The following ETS1 variants were observed in gnomAD, a reference collection of about 807,000 sequenced individuals.
ETS1 encodes the protein protein C-ets-1.
A neutral mutation model predicts 58.6 loss-of-function variants in ETS1; 15 were observed. That is an observed-to-expected ratio of 0.26 (90% confidence interval 0.17 to 0.39). ETS1 has a LOEUF of 0.39. Among genes scored for constraint, ETS1 ranks in the 10% least tolerant of loss-of-function variants. The probability of loss-of-function intolerance (pLI) is 1.00; values close to 1 mark genes in which losing one functional copy is unlikely to be tolerated. For missense variants in ETS1, 417 were observed against 610.5 expected (o/e 0.68, Z 3.34); for synonymous variants, 214 against 218.2 (o/e 0.98, Z 0.17).
intron 3 of ETS1, among the ~76,000 whole-genome samples, chr11:128,525,619 G>GAAAA (rs10554000): frequency 6.6e-5 from 5 of 75,812 alleles, no homozygotes; most frequent in Admixed American, 1.4e-4. Flanking sequence ...GTAAGATTTA[G>GAAAA]AAAAAAAAAA....
chr11:128,536,203 G>A (rs564716568), intron 3 of ETS1, among the ~76,000 whole-genome samples: 1 of 152,302 alleles, frequency 6.6e-6, no homozygotes, highest in East Asian at 1.9e-4. Context: ...TCCTCCAGAT[G>A]CAGCTTGGCA....
intron 3 of ETS1, among the ~76,000 whole-genome samples, chr11:128,531,104 A>G (rs1863890627): frequency 6.6e-6 from 1 of 152,236 alleles, no homozygotes; most frequent in Non-Finnish European, 1.5e-5. Context: ...TCCTCACTAT[A>G]GAATAAATTT....
chr11:128,568,219 C>T (rs1591668897), intron 2 of ETS1, among the ~76,000 whole-genome samples: 1 of 152,144 alleles, frequency 6.6e-6, no homozygotes, highest in African/African-American at 2.4e-5. Context: ...GTCACTAGTC[C>T]CCCAGGAACT....
intron 3 of ETS1, among the ~76,000 whole-genome samples, chr11:128,501,664 A>G (rs534756805): frequency 2.0e-5 from 3 of 152,352 alleles, no homozygotes; most frequent in East Asian, 1.9e-4. Flanking sequence ...TCCCCATAAC[A>G]TAACATCAGA....
In ETS1 at chr11:128,549,618, G is replaced by A. The variant is rs563126574; in HGVS notation, c.214+6673C>T. Among the ~76,000 whole-genome samples the A allele has an allele frequency of 3.2e-4, 48 of 152,324 alleles. No individual in the cohort carries two copies. The East Asian group carries it at 8.3e-3, about 26-fold the overall frequency. ...GCTGCGAGTTCGAGGGCGGGCCGGC[G>A]GAAGGCTTGCCTTTCCACTGTCACT... is the stretch of plus-strand genomic sequence containing the variant. On this transcript the variant is annotated intron_variant, in intron 3 of 9. Transcript: ENST00000392668. This position sits in a 1 kb window ranked among gnomAD's most constrained non-coding sequence, Gnocchi z 4.3.
intron 3 of ETS1, among the ~76,000 whole-genome samples, chr11:128,547,951 A>C (rs147062841): frequency 6.6e-6 from 1 of 152,184 alleles, no homozygotes; most frequent in East Asian, 1.9e-4. Flanking sequence ...CTCAGAGTGC[A>C]ACTACATTTC....
At chr11:128,518,423 T>C (rs561413449) in intron 3 of ETS1, among the ~76,000 whole-genome samples, 1 of 152,378 alleles carries the variant, frequency 6.6e-6, no homozygotes, top group South Asian at 2.1e-4. Context: ...GTATTTATTA[T>C]GGATCAGGCA....
chr11:128,516,002 T>G (rs894977243), intron 3 of ETS1, among the ~76,000 whole-genome samples: 1 of 152,256 alleles, frequency 6.6e-6, no homozygotes, highest in South Asian at 2.1e-4. Context: ...AATAGCAATA[T>G]TTTGAGCGTG....
intron 3 of ETS1, chr11:128,522,162 G>A (rs1863696639): frequency 1.2e-5 from 15 of 1,302,946 alleles, no homozygotes; most frequent in Non-Finnish European, 1.4e-5. Context: ...CGGACGGTGC[G>A]CGCCCGGCAC....
At chr11:128,572,205 A>G (rs1052821113) in intron 2 of ETS1, 3 of 151,668 alleles carry the variant, frequency 2.0e-5, no homozygotes, top group African/African-American at 7.3e-5. Context: ...CCCAGAAGAT[A>G]GAGGTTGGAG....
intron 3 of ETS1, among the ~76,000 whole-genome samples, chr11:128,524,437 T>C (rs1362706441): frequency 6.6e-6 from 1 of 152,174 alleles, no homozygotes; most frequent in Non-Finnish European, 1.5e-5. Flanking sequence ...CCAGATGATA[T>C]TAATTATGAA....
In ETS1 at chr11:128,585,185, A is replaced by AG. The variant is rs1491403949; in HGVS notation, c.-15+2302dup. Among the ~76,000 whole-genome samples the AG allele has an allele frequency of 4.3e-3, 143 of 33,058 alleles. 4 individuals carry two copies. Among genetic ancestry groups the AG allele is most frequent in the East Asian group, 0.024 (12 of 494 alleles). 21.7% of individuals were successfully genotyped at this position (33,058 alleles called of 152,430 possible). On this transcript the variant is annotated intron_variant, in intron 1 of 9. Coordinates refer to ENST00000392668, the MANE Select transcript of ETS1 (RefSeq NM_001143820.2). Reference sequence around the variant, plus strand: ...GAAAGAAAGAGAAAGAAAGAAAGAAAGAAGGAAGGAAAGAAAGAAAGAAAG... The same window carrying AG: ...GAAAGAAAGAGAAAGAAAGAAAGAAAGGAAGGAAGGAAAGAAAGAAAGAAAG...
intron 3 of ETS1, chr11:128,536,432 C>A (rs1170787846): frequency 6.6e-6 from 1 of 152,052 alleles, no homozygotes. Context: ...ATAATTTATT[C>A]AAATAGTAAG....
intron 3 of ETS1, among the ~76,000 whole-genome samples, chr11:128,499,685 G>T (rs1471367887): frequency 6.6e-6 from 1 of 152,132 alleles, no homozygotes; most frequent in Non-Finnish European, 1.5e-5. Flanking sequence ...TCTGTAGCAG[G>T]GAAGAACCTC....
rs113188675 is a variant in ETS1 at position 128,514,350 on chromosome 11, C to T, written c.215-23774G>A. ...AAAATTCATCCTGAGGTTCAAAACG[C>T]TCTTTGGGTCCTGGCCTCCTACTTC... On this transcript the variant is annotated intron_variant, in intron 3 of 9. Transcript: ENST00000392668. Among the ~76,000 whole-genome samples, 781 of 152,296 alleles carry T rather than the reference C, an allele frequency of 5.1e-3. 6 individuals are homozygous for T. Among genetic ancestry groups the T allele is most frequent in the Middle Eastern group, 0.017 (5 of 292 alleles).
rs186266259 is a variant in ETS1 at position 128,542,691 on chromosome 11, C to G, written c.214+13600G>C. Reference sequence around the variant, plus strand: ...AAGATAAAGACAGCAACAACCCCTCCACTAGCTACAGAGTTACAGGTTACA... The same window carrying G: ...AAGATAAAGACAGCAACAACCCCTCGACTAGCTACAGAGTTACAGGTTACA... On this transcript the variant is annotated intron_variant, in intron 3 of 9. Transcript: ENST00000392668. 2.0e-3 allele frequency among the ~76,000 whole-genome samples: 312 copies of G among 152,260 alleles called. 2 individuals carry two copies. Among genetic ancestry groups the G allele is most frequent in the Non-Finnish European group, 3.6e-3 (246 of 68,014 alleles).
intron 3 of ETS1, among the ~76,000 whole-genome samples, chr11:128,534,597 C>T (rs1863945526): frequency 6.6e-6 from 1 of 152,150 alleles, no homozygotes; most frequent in South Asian, 2.1e-4. Context: ...CTCCAACAGG[C>T]CCCAGTGTGT....
intron 3 of ETS1, among the ~76,000 whole-genome samples, chr11:128,496,580 T>C (rs144973296): frequency 7.6e-4 from 116 of 152,318 alleles, no homozygotes; most frequent in Admixed American, 1.4e-3. Context: ...GCTCTGCTTC[T>C]GAAGTTGATG....
At chr11:128,554,929 C>T (rs530187090) in intron 3 of ETS1, among the ~76,000 whole-genome samples, 44 of 152,240 alleles carry the variant, frequency 2.9e-4, no homozygotes, top group African/African-American at 7.7e-4. Flanking sequence ...TTAAGTCTGA[C>T]GTGTGAGCAG....
Sources: allele counts gnomAD v4.1 joint callset (sites outside exome capture counted in the v4.1 genomes callset), GRCh38; gene constraint gnomAD v4.1.1; non-coding constraint Gnocchi (gnomAD v3.1); transcripts MANE v1.5; gene names NCBI Gene and HGNC (gene_info 2026-07-23, HGNC 2026-07-21).